The following NXPE2 variants were observed in gnomAD, a reference collection of about 807,000 sequenced individuals.
NXPE2 encodes the protein neurexophilin and PC-esterase domain family member 2, also known as NXPE family member 2.
NXPE2 carries 34 observed loss-of-function variants against 34.4 expected under a neutral mutation model. The ratio of observed to expected loss-of-function variants is 0.99; its 90% confidence interval spans 0.75 to 1.31. The LOEUF (loss-of-function observed/expected upper bound fraction) is 1.31. NXPE2 is among the 40% of genes most tolerant of loss of function. The probability of loss-of-function intolerance (pLI) is 0.00; values close to 1 mark genes in which losing one functional copy is unlikely to be tolerated. For synonymous variants in NXPE2, 235 were observed against 231.3 expected (o/e 1.02, Z -0.15); for missense variants, 649 against 672.5 (o/e 0.97, Z 0.39).
At chr11:114,788,380 T>G in the NXPE2 span, among the ~76,000 whole-genome samples, 127 of 152,310 alleles carry the variant, frequency 8.3e-4, no homozygotes, top group African/African-American at 3.0e-3. Context: ...GACATGGGCC[T>G]GGGACCATTG....
At chr11:114,573,639 T>A in the NXPE2 span, among the ~76,000 whole-genome samples, 2 of 151,956 alleles carry the variant, frequency 1.3e-5, no homozygotes, top group Non-Finnish European at 2.9e-5. Context: ...TATATAATGA[T>A]AAAATAACAT....
chr11:114,687,543 A>ATG (rs1480190281), intron 2 of NXPE2, among the ~76,000 whole-genome samples: 1 of 152,032 alleles, frequency 6.6e-6, no homozygotes, highest in Non-Finnish European at 1.5e-5. Context: ...AAGTTGGACA[A>ATG]TGTGATGCCA....
the NXPE2 span, among the ~76,000 whole-genome samples, chr11:114,604,108 G>C: frequency 2.0e-5 from 3 of 151,954 alleles, no homozygotes; most frequent in African/African-American, 7.3e-5. Context: ...TTATCTGCTG[G>C]ATAATAAGTA....
the NXPE2 span, among the ~76,000 whole-genome samples, chr11:114,563,508 G>A: frequency 6.6e-6 from 1 of 152,256 alleles, no homozygotes; most frequent in South Asian, 2.1e-4. Flanking sequence ...GCACAGCAAA[G>A]GAAATAATCA....
chr11:114,780,359 C>T, the NXPE2 span, among the ~76,000 whole-genome samples: 3 of 152,124 alleles, frequency 2.0e-5, no homozygotes, highest in African/African-American at 7.2e-5. Flanking sequence ...GCAAACACCA[C>T]GAGGATGAGG....
At chr11:114,532,743 A>G in the NXPE2 span, among the ~76,000 whole-genome samples, 10 of 152,334 alleles carry the variant, frequency 6.6e-5, no homozygotes, top group African/African-American at 2.4e-4. Context: ...ATATACATAT[A>G]AAAGTATATA....
the NXPE2 span, among the ~76,000 whole-genome samples, chr11:114,753,870 A>G: frequency 6.6e-6 from 1 of 152,230 alleles, no homozygotes; most frequent in Non-Finnish European, 1.5e-5. Context: ...CCTTATTGTC[A>G]ACTAAATCAA....
the NXPE2 span, among the ~76,000 whole-genome samples, chr11:114,587,136 G>T: frequency 6.6e-6 from 1 of 152,068 alleles, no homozygotes; most frequent in African/African-American, 2.4e-5. Flanking sequence ...CTCTACAAGA[G>T]ACCAGGCTTT....
chr11:114,667,014 C>A, the NXPE2 span, among the ~76,000 whole-genome samples: 1 of 152,104 alleles, frequency 6.6e-6, no homozygotes, highest in African/African-American at 2.4e-5. Flanking sequence ...CAACATCTAA[C>A]GTCCTCACTT....
At chr11:114,775,884 A>AC in the NXPE2 span, among the ~76,000 whole-genome samples, 3 of 147,298 alleles carry the variant, frequency 2.0e-5, no homozygotes, top group South Asian at 2.2e-4. Context: ...AAAAACGAAA[A>AC]AAAAAAACAA....
At chr11:114,803,329 G>C in the NXPE2 span, among the ~76,000 whole-genome samples, 13,502 of 152,250 alleles carry the variant, frequency 0.089, 639 homozygotes, top group East Asian at 0.17. Context: ...TTTTATAATA[G>C]TGACAGTTGG....
chr11:114,598,551 T>C, the NXPE2 span, among the ~76,000 whole-genome samples: 1 of 152,248 alleles, frequency 6.6e-6, no homozygotes, highest in Non-Finnish European at 1.5e-5. Flanking sequence ...CTAAGTAGAG[T>C]CTCTCAAGCC....
At chr11:114,770,716 A>G in the NXPE2 span, among the ~76,000 whole-genome samples, 2 of 152,218 alleles carry the variant, frequency 1.3e-5, no homozygotes, top group Non-Finnish European at 2.9e-5. Flanking sequence ...CAACCAGTCT[A>G]TTTTATAGGC....
At chr11:114,671,070 AATATAAATATAT>A in the NXPE2 span, among the ~76,000 whole-genome samples, 572 of 147,920 alleles carry the variant, frequency 3.9e-3, 1 homozygote, top group Non-Finnish European at 5.1e-3. Context: ...TATATACATA[AATATAAATATAT>A]ATATAAATAT....
the NXPE2 span, among the ~76,000 whole-genome samples, chr11:114,634,491 G>T: frequency 6.6e-6 from 1 of 152,024 alleles, no homozygotes; most frequent in African/African-American, 2.4e-5. Context: ...GTCAATTTTG[G>T]CTTTTGTTGC....
At chr11:114,638,766 C>T in the NXPE2 span, among the ~76,000 whole-genome samples, 1 of 151,986 alleles carries the variant, frequency 6.6e-6, no homozygotes, top group Non-Finnish European at 1.5e-5. Context: ...GCAGCAGTGT[C>T]TGCAGAACAG....
chr11:114,649,764 A>G, the NXPE2 span, among the ~76,000 whole-genome samples: 1 of 152,206 alleles, frequency 6.6e-6, no homozygotes, highest in Non-Finnish European at 1.5e-5. Flanking sequence ...TTTGACTCAC[A>G]AAATAGCCTC....
chr11:114,633,259 G>T, the NXPE2 span, among the ~76,000 whole-genome samples: 2 of 130,124 alleles, frequency 1.5e-5, no homozygotes, highest in African/African-American at 5.8e-5. Flanking sequence ...TAATATATAA[G>T]AATGTTATAT....
chr11:114,569,391 T>C, the NXPE2 span, among the ~76,000 whole-genome samples: 1 of 152,214 alleles, frequency 6.6e-6, no homozygotes, highest in Non-Finnish European at 1.5e-5. Context: ...ATTATCTACT[T>C]AATAGCTTTC....
Sources: gnomAD v4.1 joint callset for allele counts (sites outside exome capture counted in the v4.1 genomes callset) on GRCh38, gnomAD v4.1.1 for gene constraint, MANE v1.5 for transcripts, NCBI Gene and HGNC (gene_info 2026-07-23, HGNC 2026-07-21) for gene names.